Variants in ANO3 observed in about 807,000 individuals in gnomAD.
The protein encoded by ANO3 is anoctamin 3, also known as anoctamin-3.
Under a neutral mutation model 144.8 loss-of-function variants are expected in ANO3, and 99 were observed. That is an observed-to-expected ratio of 0.68 (90% CI 0.58 to 0.81). The LOEUF (loss-of-function observed/expected upper bound fraction) is 0.81. Ranked by LOEUF, ANO3 falls within the 30% of genes least tolerant of loss-of-function variation. ANO3 has a pLI of 0.00. For synonymous variants in ANO3, 414 were observed against 392.6 expected (o/e 1.05, Z -0.64); for missense variants, 905 against 1,202.2 (o/e 0.75, Z 3.66).
chr11:26,604,425 G>T (rs914163800), intron 17 of ANO3, among the ~76,000 whole-genome samples: 3 of 152,114 alleles, frequency 2.0e-5, no homozygotes, highest in Admixed American at 1.3e-4. Flanking sequence ...GAAACTTAAA[G>T]TAGTTTTTTT....
chr11:26,376,882 T>C (rs200913429), intron 1 of ANO3, among the ~76,000 whole-genome samples: 5 of 152,130 alleles, frequency 3.3e-5, no homozygotes, highest in Non-Finnish European at 4.4e-5. Context: ...TTTGTCCTTA[T>C]AGGAGCCATG....
At chr11:26,406,913 T>A (rs1260722554) in intron 1 of ANO3, among the ~76,000 whole-genome samples, 1 of 149,452 alleles carries the variant, frequency 6.7e-6, no homozygotes, top group Non-Finnish European at 1.5e-5. Flanking sequence ...TACATATATA[T>A]ACACACCTGT....
intron 4 of ANO3, among the ~76,000 whole-genome samples, chr11:26,506,767 T>TGAGGGTTAG (rs762348765): frequency 6.6e-6 from 1 of 152,174 alleles, no homozygotes; most frequent in Non-Finnish European, 1.5e-5. Flanking sequence ...CAACCTAACC[T>TGAGGGTTAG]GTTGCTGTAG....
At position 26,364,749 on chromosome 11, in the gene ANO3, A is replaced by G. The variant is rs141564752; in HGVS notation, c.46+32428A>G. Among the ~76,000 whole-genome samples the G allele has an allele frequency of 5.3e-5, 8 of 152,342 alleles. No individual in the cohort carries two copies. The East Asian group carries it at 1.5e-3, about 29-fold the overall frequency. On this transcript the variant is annotated intron_variant, in intron 1 of 26. Transcript: ENST00000256737. ...CATTCATGAGAAATCCACCCCCGTG[A>G]TCAAATCATCTCCTACCAGGTCCCA...
intron 10 of ANO3, among the ~76,000 whole-genome samples, chr11:26,538,583 A>G (rs1267669698): frequency 1.3e-5 from 2 of 152,132 alleles, no homozygotes; most frequent in East Asian, 3.9e-4. Flanking sequence ...CCCAAGGAGA[A>G]CCTCTGTAGC....
chr11:26,520,968 GAA>G (rs1590452274), intron 6 of ANO3, among the ~76,000 whole-genome samples: 1 of 152,034 alleles, frequency 6.6e-6, no homozygotes, highest in African/African-American at 2.4e-5. Flanking sequence ...GTGTTCTTGA[GAA>G]AAGAGTTTGA....
intron 1 of ANO3, among the ~76,000 whole-genome samples, chr11:26,238,589 T>G (rs1400759103): frequency 6.6e-6 from 1 of 152,132 alleles, no homozygotes; most frequent in Non-Finnish European, 1.5e-5. Context: ...ACAGAAAATG[T>G]TCTGGGCTCT....
At chr11:26,414,015 T>C (rs981671593) in intron 1 of ANO3, among the ~76,000 whole-genome samples, 2 of 152,048 alleles carry the variant, frequency 1.3e-5, no homozygotes, top group East Asian at 1.9e-4. Flanking sequence ...AATCTTGGAA[T>C]TGGAATCGCC....
At chr11:26,435,853 C>A (rs1486835835) in intron 1 of ANO3, among the ~76,000 whole-genome samples, 4 of 152,006 alleles carry the variant, frequency 2.6e-5, no homozygotes, top group African/African-American at 9.7e-5. Flanking sequence ...TCTTGATGAT[C>A]TTTGTTCTTG....
At chr11:26,486,546 T>C (rs1361957546) in intron 4 of ANO3, among the ~76,000 whole-genome samples, 3 of 152,172 alleles carry the variant, frequency 2.0e-5, no homozygotes, top group Admixed American at 6.5e-5. Flanking sequence ...TTTATATGTT[T>C]GTAGGTGCAA....
chr11:26,640,475 T>C lies in ANO3; in HGVS notation c.2141+1234T>C, dbSNP rs118056121. ...CTTGGGTCACTTCTTTAAAACTGGT[T>C]TTAGGAAACATTGTTTGAAAGAAAT... On this transcript the variant is annotated intron_variant, in intron 21 of 26. Coordinates refer to ENST00000256737, the MANE Select transcript of ANO3 (RefSeq NM_031418.4). Among the ~76,000 whole-genome samples, 584 of 152,306 alleles carry C rather than the reference T, an allele frequency of 3.8e-3. 3 individuals carry two copies. Among genetic ancestry groups the C allele is most frequent in the Non-Finnish European group, 6.3e-3 (428 of 68,028 alleles).
chr11:26,549,180 T>C (rs115865504), intron 12 of ANO3, among the ~76,000 whole-genome samples: 126 of 152,068 alleles, frequency 8.3e-4, no homozygotes, highest in African/African-American at 2.9e-3. Flanking sequence ...AGGCTCTTTT[T>C]GTATGAGATA....
intron 1 of ANO3, among the ~76,000 whole-genome samples, chr11:26,243,012 G>A (rs1386424815): frequency 6.6e-6 from 1 of 152,028 alleles, no homozygotes; most frequent in African/African-American, 2.4e-5. Context: ...CCATGGTTTT[G>A]CCCCCAAATA....
intron 14 of ANO3, chr11:26,572,312 C>T: frequency 1.1e-6 from 1 of 888,008 alleles, no homozygotes; most frequent in Non-Finnish European, 1.3e-6. Flanking sequence ...AAAGCCCAAC[C>T]CTCCAGTTTT....
intron 1 of ANO3, among the ~76,000 whole-genome samples, chr11:26,271,271 C>T (rs1030962893): frequency 6.6e-6 from 1 of 152,152 alleles, no homozygotes. Context: ...CAACAGGTGG[C>T]ATTTTTTCTA....
At chr11:26,646,559 A>G (rs1031295094) in intron 23 of ANO3, among the ~76,000 whole-genome samples, 4 of 152,136 alleles carry the variant, frequency 2.6e-5, no homozygotes, top group African/African-American at 9.6e-5. Flanking sequence ...TAGATTTTGT[A>G]AGACTTTCAA....
chr11:26,595,468 T>TTG (rs1565130581), intron 14 of ANO3, among the ~76,000 whole-genome samples: 4 of 144,534 alleles, frequency 2.8e-5, no homozygotes, highest in African/African-American at 1.0e-4. Flanking sequence ...TTGTTTTTTT[T>TTG]TTTTTTTTTT....
At chr11:26,283,784 T>C (rs1470113537) in intron 1 of ANO3, among the ~76,000 whole-genome samples, 1 of 152,104 alleles carries the variant, frequency 6.6e-6, no homozygotes, top group Non-Finnish European at 1.5e-5. Flanking sequence ...AGGAGACAGA[T>C]AATAAGCCAC....
chr11:26,432,071 A>C (rs1161317616), intron 1 of ANO3, among the ~76,000 whole-genome samples: 2 of 151,892 alleles, frequency 1.3e-5, no homozygotes, highest in African/African-American at 4.8e-5. Flanking sequence ...AGCATCTGTT[A>C]TTTTTTGACA....
Sources: allele counts gnomAD v4.1 joint callset (sites outside exome capture counted in the v4.1 genomes callset), GRCh38; gene constraint gnomAD v4.1.1; transcripts MANE v1.5; gene names NCBI Gene and HGNC (gene_info 2026-07-23, HGNC 2026-07-21).